Variants in ABCB4 observed in about 807,000 individuals in gnomAD.
The protein encoded by ABCB4 is ATP binding cassette subfamily B member 4.
Under a neutral mutation model 145.7 loss-of-function variants are expected in ABCB4, and 76 were observed. That is an observed-to-expected ratio of 0.52 (90% confidence interval 0.43 to 0.63). The LOEUF is 0.63. Among genes scored for constraint, ABCB4 ranks in the 30% least tolerant of loss-of-function variants. The pLI, the probability that ABCB4 is intolerant of heterozygous loss-of-function variation, is 0.00. For missense variants in ABCB4, 1,234 were observed against 1,553.1 expected (o/e 0.79, Z 3.45); for synonymous variants, 517 against 566.8 (o/e 0.91, Z 1.25).
At position 87,439,719 on chromosome 7, in the gene ABCB4, G is replaced by A. The variant is rs185760690; in HGVS notation, c.1679C>T (p.Thr560Met). 1.5e-5 allele frequency: 25 copies of A among 1,614,086 alleles called. No homozygotes were observed. The highest frequency in any genetic ancestry group is 3.3e-5 in the Admixed American group (2 of 60,000). ...TTCACTTTCTGTGTCCAATGCTGAC[G>A]TGGCCTCATCCAGCAGAAGGATCTT... ...NPKILLLDEA[T>M]SALDTESEAE... Residue 560 changes from threonine (T) to methionine (M), a missense_variant, in exon 14 of 28, where the codon ACG becomes ATG. Transcript: ENST00000649586.
the ABCB4 span, among the ~76,000 whole-genome samples, chr7:87,395,224 G>A: frequency 6.6e-6 from 1 of 151,902 alleles, no homozygotes; most frequent in Non-Finnish European, 1.5e-5. Context: ...ATCTAGCACA[G>A]GAGAAAGATG....
At position 87,408,172 on chromosome 7, in the gene ABCB4, G is replaced by A. The variant is rs8187807; in HGVS notation, c.3144C>T (p.Asn1048=). The A allele has an allele frequency of 3.7e-5, 59 of 1,614,192 alleles. 1 individual carries two copies. The East Asian group carries it at 1.0e-3, about 27-fold the overall frequency. ...EVVFNYPTRA[N]VPVLQGLSLE... ...GGCTCAGCCCCTGAAGCACTGGCAC[G>A]TTTGCTCGGGTGGGATAGTTGAACA... Residue 1048 remains asparagine (N), a synonymous_variant, in exon 25 of 28, where the codon AAC becomes AAT. Coordinates refer to ENST00000649586, the MANE Select transcript of ABCB4 (RefSeq NM_000443.4).
At chr7:87,393,913 C>A in the ABCB4 span, among the ~76,000 whole-genome samples, 1 of 152,066 alleles carries the variant, frequency 6.6e-6, no homozygotes, top group Non-Finnish European at 1.5e-5. Flanking sequence ...TTTGAAAAAA[C>A]TCAAAACTGT....
At chr7:87,366,208 G>A in the ABCB4 span, among the ~76,000 whole-genome samples, 1 of 151,980 alleles carries the variant, frequency 6.6e-6, no homozygotes, top group Non-Finnish European at 1.5e-5. Flanking sequence ...TATTCATTAA[G>A]CTTACTACTT....
chr7:87,367,949 G>A, the ABCB4 span, among the ~76,000 whole-genome samples: 1 of 152,108 alleles, frequency 6.6e-6, no homozygotes, highest in Non-Finnish European at 1.5e-5. Flanking sequence ...ACAGCTGGAG[G>A]GATCTTTTTA....
At position 87,452,807 on chromosome 7, in the gene ABCB4, T is replaced by C. The variant is rs1811835826; in HGVS notation, c.536+137A>G. 2.3e-5 allele frequency: 23 copies of C among 1,008,648 alleles called. No individual in the cohort carries two copies. In the East Asian group the frequency reaches 5.7e-4, roughly 25 times the overall value. 62.5% of individuals were successfully genotyped at this position (1,008,648 alleles called of 1,614,324 possible). On this transcript the variant is annotated intron_variant, in intron 6 of 27. Transcript: ENST00000649586. ...CATAGGCTATAGATGCTGCTAGACA[T>C]GGCTGCCAGATGATCGATTTCTAAT...
chr7:87,475,322 A>T (rs932661680), intron 2 of ABCB4, 64 bp downstream of exon 2: 1 of 1,593,254 alleles, frequency 6.3e-7, no homozygotes, highest in African/African-American at 1.3e-5. Flanking sequence ...ACTTCTTTCC[A>T]AGGGTGAACT....
chr7:87,390,410 C>A, the ABCB4 span, among the ~76,000 whole-genome samples: 1 of 152,074 alleles, frequency 6.6e-6, no homozygotes, highest in African/African-American at 2.4e-5. Context: ...ATTTTTACTG[C>A]TTTTATTTTT....
intron 14 of ABCB4, among the ~76,000 whole-genome samples, chr7:87,433,675 G>T (rs200880722): frequency 0.097 from 9,717 of 99,898 alleles, 454 homozygotes; most frequent in African/African-American, 0.15. Flanking sequence ...AATTGTTGTT[G>T]TTTTTTTTTT....
intron 23 of ABCB4, among the ~76,000 whole-genome samples, chr7:87,411,275 A>G (rs1325382637): frequency 1.3e-5 from 2 of 152,164 alleles, no homozygotes; most frequent in Admixed American, 1.3e-4. Context: ...GAAACATACC[A>G]AATGATCTTA....
At chr7:87,402,879 G>A (rs1166189666) in intron 27 of ABCB4, among the ~76,000 whole-genome samples, 13 of 152,152 alleles carry the variant, frequency 8.5e-5, no homozygotes, top group African/African-American at 3.1e-4. Flanking sequence ...GGCACCTGTA[G>A]TCCCAGCTAC....
chr7:87,433,668 T>C (rs1419276661), intron 14 of ABCB4, among the ~76,000 whole-genome samples: 2 of 139,730 alleles, frequency 1.4e-5, no homozygotes, highest in Non-Finnish European at 3.0e-5. Context: ...CACAAAAAAT[T>C]GTTGTTGTTT....
chr7:87,433,887 C>A (rs1439316424), intron 14 of ABCB4, among the ~76,000 whole-genome samples: 1 of 151,542 alleles, frequency 6.6e-6, no homozygotes. Flanking sequence ...CAGAATGAAA[C>A]CTTTTGGAAT....
At chr7:87,416,110 C>T (rs1341671235) in intron 21 of ABCB4, among the ~76,000 whole-genome samples, 1 of 152,286 alleles carries the variant, frequency 6.6e-6, no homozygotes, top group South Asian at 2.1e-4. Context: ...AGCTCCAAGT[C>T]TTGGAGAGGA....
chr7:87,378,200 C>T, the ABCB4 span, among the ~76,000 whole-genome samples: 3 of 151,880 alleles, frequency 2.0e-5, no homozygotes, highest in Admixed American at 6.6e-5. Flanking sequence ...AAAAATTAGC[C>T]TCACATGGTG....
chr7:87,406,281 A>T lies in ABCB4; in HGVS notation c.3486+7T>A, dbSNP rs1356303920. On this transcript the variant is annotated splice_region_variant and intron_variant, in intron 26 of 27. Coordinates refer to ENST00000649586, the MANE Select transcript of ABCB4 (RefSeq NM_000443.4). ...TCTCTTCTGATTTCAGCTACTCTTT[A>T]ACTTACGTGGGGTAACGTCTCGATG... The T allele has an allele frequency of 2.5e-6, 4 of 1,613,696 alleles. No individual in the cohort carries two copies. The highest frequency in any genetic ancestry group is 3.4e-6 in the Non-Finnish European group (4 of 1,179,678).
intron 2 of ABCB4, among the ~76,000 whole-genome samples, chr7:87,474,951 G>A (rs912748069): frequency 1.3e-5 from 2 of 152,146 alleles, no homozygotes; most frequent in Non-Finnish European, 2.9e-5. Flanking sequence ...ATGGGCAGGA[G>A]GGGAGGGAGT....
At chr7:87,446,487 G>T (rs45489091) in intron 9 of ABCB4, among the ~76,000 whole-genome samples, 1,908 of 152,230 alleles carry the variant, frequency 0.013, 44 homozygotes, top group African/African-American at 0.041. Context: ...TTATTAGATT[G>T]TAAGTAATTT....
At chr7:87,475,338 C>T (rs1813724569) in intron 2 of ABCB4, 48 bp downstream of exon 2, 1 of 1,605,820 alleles carries the variant, frequency 6.2e-7, no homozygotes, top group Admixed American at 1.7e-5. Context: ...GAACTTAGTC[C>T]TGCTGATTGG....
Sources: gnomAD v4.1 joint callset for allele counts (sites outside exome capture counted in the v4.1 genomes callset) on GRCh38, gnomAD v4.1.1 for gene constraint, MANE v1.5 for transcripts, NCBI Gene and HGNC (gene_info 2026-07-23, HGNC 2026-07-21) for gene names.